Variants in NAALADL2 observed in about 807,000 individuals in gnomAD.
NAALADL2 encodes inactive N-acetylated-alpha-linked acidic dipeptidase-like protein 2.
Under a neutral mutation model 87.2 loss-of-function variants are expected in NAALADL2, and 76 were observed. That is an observed-to-expected ratio of 0.87 (90% CI 0.72 to 1.05). NAALADL2 has a LOEUF of 1.05. Ranked by LOEUF, NAALADL2 falls within the 50% of genes least tolerant of loss-of-function variation. The pLI, the probability that NAALADL2 is intolerant of heterozygous loss-of-function variation, is 0.00. For synonymous variants in NAALADL2, 354 were observed against 331.0 expected (o/e 1.07, Z -0.75); for missense variants, 1,089 against 945.8 (o/e 1.15, Z -1.99).
At chr3:174,635,197 T>C in intron 2 of NAALADL2, among the ~76,000 whole-genome samples, 1 of 152,330 alleles carries the variant, frequency 6.6e-6, no homozygotes, top group South Asian at 2.1e-4. Flanking sequence ...ATTTTGAACA[T>C]CAGGTATATA....
intron 1 of NAALADL2, among the ~76,000 whole-genome samples, chr3:174,469,398 C>T (rs781263398): frequency 2.8e-4 from 43 of 151,396 alleles, no homozygotes; most frequent in Non-Finnish European, 5.9e-4. Flanking sequence ...ACTGGGACTA[C>T]AGGCGTGTGC....
At chr3:175,249,754 T>C (rs1213141425) in intron 3 of NAALADL2, among the ~76,000 whole-genome samples, 1 of 152,206 alleles carries the variant, frequency 6.6e-6, no homozygotes, top group Non-Finnish European at 1.5e-5. Flanking sequence ...GACTTGTGTC[T>C]TCTTTCCCAG....
intron 5 of NAALADL2, among the ~76,000 whole-genome samples, chr3:175,439,721 GT>G (rs1289691079): frequency 4.8e-5 from 6 of 125,968 alleles, no homozygotes; most frequent in East Asian, 2.4e-4. Flanking sequence ...TGTGTTTGTG[GT>G]TTTTTTTTCT....
At chr3:175,096,427 A>G (rs1253243286) in intron 1 of NAALADL2, among the ~76,000 whole-genome samples, 1 of 151,714 alleles carries the variant, frequency 6.6e-6, no homozygotes, top group East Asian at 1.9e-4. Flanking sequence ...TCTGCATTGC[A>G]TCATCCTTCA....
intron 1 of NAALADL2, among the ~76,000 whole-genome samples, chr3:174,547,004 T>C (rs764886324): frequency 5.9e-5 from 9 of 152,194 alleles, no homozygotes; most frequent in Non-Finnish European, 1.2e-4. Context: ...GAGGTAAAGA[T>C]GTATTTAACT....
chr3:174,546,580 C>T (rs917990291), intron 1 of NAALADL2, among the ~76,000 whole-genome samples: 3 of 152,296 alleles, frequency 2.0e-5, no homozygotes, highest in Admixed American at 6.5e-5. Context: ...TTACGTTGTA[C>T]CATGTGCTCT....
chr3:175,794,407 T>A (rs1344089206), intron 13 of NAALADL2, among the ~76,000 whole-genome samples: 2 of 152,116 alleles, frequency 1.3e-5, no homozygotes, highest in African/African-American at 4.8e-5. Flanking sequence ...TAGTCAACTG[T>A]ATCACTGTCT....
At chr3:175,344,610 C>T (rs1762935301) in intron 5 of NAALADL2, among the ~76,000 whole-genome samples, 1 of 151,850 alleles carries the variant, frequency 6.6e-6, no homozygotes, top group Admixed American at 6.6e-5. Context: ...TATTTACCTG[C>T]TAACTATGGA....
chr3:175,574,258 T>C (rs1718531753), intron 9 of NAALADL2, among the ~76,000 whole-genome samples: 1 of 152,072 alleles, frequency 6.6e-6, no homozygotes, highest in Non-Finnish European at 1.5e-5. Flanking sequence ...ATCTGCAGAC[T>C]AGGGAGGCAC....
chr3:175,580,308 C>A (rs1218668550), intron 10 of NAALADL2, among the ~76,000 whole-genome samples: 2 of 151,944 alleles, frequency 1.3e-5, no homozygotes, highest in Non-Finnish European at 2.9e-5. Flanking sequence ...AAAAGTAGTT[C>A]ATTTGTGCAA....
In NAALADL2 at chr3:175,502,926, CTTTTT is replaced by C. The variant is rs34588221; in HGVS notation, c.1653+31175_1653+31179del. ...GGCTTTTTAATGAGATTTTTTTTCT[CTTTTT>C]TTTTTTCACCATTATTTTAGGTTCA... On this transcript the variant is annotated intron_variant, in intron 9 of 13. Transcript: ENST00000454872. Among the ~76,000 whole-genome samples, 3 of 145,968 alleles carry C rather than the reference CTTTTT, an allele frequency of 2.1e-5. No individual in the cohort carries two copies. In the South Asian group the frequency reaches 6.5e-4, roughly 32 times the overall value.
chr3:174,935,846 T>C (rs1335410574), intron 1 of NAALADL2, among the ~76,000 whole-genome samples: 4 of 152,130 alleles, frequency 2.6e-5, no homozygotes, highest in Admixed American at 2.6e-4. Flanking sequence ...GACTATAAGA[T>C]TAATAGGGAT....
At chr3:175,711,747 C>T (rs538569241) in intron 11 of NAALADL2, among the ~76,000 whole-genome samples, 4 of 151,750 alleles carry the variant, frequency 2.6e-5, no homozygotes, top group South Asian at 2.1e-4. Context: ...CAAGCTAAAC[C>T]AGAGTAACTA....
chr3:174,591,781 A>G (rs1301502313), intron 2 of NAALADL2, among the ~76,000 whole-genome samples: 3 of 152,184 alleles, frequency 2.0e-5, no homozygotes, highest in African/African-American at 4.8e-5. Context: ...AGGCACAGAC[A>G]TCTATAAAGA....
chr3:175,790,542 TG>T (rs1444589784), intron 13 of NAALADL2, among the ~76,000 whole-genome samples: 3 of 152,188 alleles, frequency 2.0e-5, no homozygotes, highest in Non-Finnish European at 2.9e-5. Flanking sequence ...AGTATTGTTC[TG>T]GGGATTGGAA....
chr3:175,110,564 T>C (rs955047672), intron 2 of NAALADL2, among the ~76,000 whole-genome samples: 2 of 151,826 alleles, frequency 1.3e-5, no homozygotes, highest in African/African-American at 4.8e-5. Flanking sequence ...TAACACTCAG[T>C]GTGTTCTCAG....
chr3:175,058,260 C>G (rs545932593), intron 1 of NAALADL2, among the ~76,000 whole-genome samples: 36 of 152,280 alleles, frequency 2.4e-4, no homozygotes, highest in Middle Eastern at 3.4e-3. Context: ...AGAACAATCA[C>G]CCATAGCTGT....
At chr3:175,105,363 C>T (rs1267262674) in intron 2 of NAALADL2, among the ~76,000 whole-genome samples, 2 of 151,964 alleles carry the variant, frequency 1.3e-5, no homozygotes, top group Non-Finnish European at 2.9e-5. Context: ...GATAAGGCTT[C>T]ATGTCCATGA....
At position 174,812,837 on chromosome 3, in the gene NAALADL2, A is replaced by G. The variant is rs556398448; in HGVS notation, c.-9+75091A>G. On this transcript the variant is annotated intron_variant, in intron 3 of 3. Coordinates refer to the NAALADL2 transcript ENST00000434257. ...ATTTTAAAAATAGAAATAGGCTTAT[A>G]GAATAAAGATATAAAGAAAAAAATT... Among the ~76,000 whole-genome samples, 6 of 152,266 alleles carry G rather than the reference A, an allele frequency of 3.9e-5. No homozygotes were observed. In the East Asian group the frequency reaches 1.2e-3, roughly 29 times the overall value.
Sources: allele counts gnomAD v4.1 joint callset (sites outside exome capture counted in the v4.1 genomes callset), GRCh38; gene constraint gnomAD v4.1.1; transcripts MANE v1.5; gene names NCBI Gene and HGNC (gene_info 2026-07-23, HGNC 2026-07-21).